Variants in MACF1 observed in about 807,000 individuals in gnomAD.
The protein encoded by MACF1 is microtubule-actin cross-linking factor 1.
Under a neutral mutation model 854.8 loss-of-function variants are expected in MACF1, and 193 were observed. That is an observed-to-expected ratio of 0.23 (90% CI 0.20 to 0.25). The LOEUF (loss-of-function observed/expected upper bound fraction) is 0.25. MACF1 is among the 10% of genes least tolerant of loss of function. MACF1 has a pLI of 1.00. For synonymous variants in MACF1, 3,185 were observed against 3,226.7 expected, an observed-to-expected ratio of 0.99 and a Z score of 0.44; for missense variants, 7,722 against 8,929.1, an observed-to-expected ratio of 0.86 and a Z score of 5.45.
At chr1:39,300,969 C>G (rs1451165199) in intron 22 of MACF1, among the ~76,000 whole-genome samples, 4 of 151,994 alleles carry the variant, frequency 2.6e-5, no homozygotes, top group Non-Finnish European at 5.9e-5. Context: ...TTGCAGTGAG[C>G]CAAGATCGCA....
intron 1 of MACF1, among the ~76,000 whole-genome samples, chr1:39,228,078 A>G (rs762726254): frequency 2.0e-5 from 3 of 152,216 alleles, no homozygotes; most frequent in African/African-American, 7.2e-5. Context: ...TGGGAGGCCA[A>G]CGCGGGTGGA....
At chr1:39,407,794 T>C (rs1195899754) in intron 58 of MACF1, among the ~76,000 whole-genome samples, 1 of 152,216 alleles carries the variant, frequency 6.6e-6, no homozygotes, top group African/African-American at 2.4e-5. Flanking sequence ...AAATAACTTT[T>C]CCATAAGTTT....
chr1:39,412,463 A>C, intron 58 of MACF1: 1 of 1,614,036 alleles, frequency 6.2e-7, no homozygotes, highest in Middle Eastern at 1.6e-4. Context: ...CTTTTGGAGG[A>C]TCAAGCTCCA....
chr1:39,462,541 C>A (rs1644575844), intron 93 of MACF1, among the ~76,000 whole-genome samples: 2 of 55,140 alleles, frequency 3.6e-5, no homozygotes, highest in Admixed American at 2.5e-4. Flanking sequence ...TCTGTCTGTC[C>A]CCCCCGCCAA....
intron 5 of MACF1, 123 bp downstream of exon 5, chr1:39,254,498 T>C: frequency 1.2e-6 from 1 of 829,772 alleles, no homozygotes; most frequent in Non-Finnish European, 2.0e-6. Context: ...GACCCAGTTC[T>C]GAGTCTTAAC....
intron 10 of MACF1, 28 bp downstream of exon 10, chr1:39,284,213 G>A (rs1557562832): frequency 1.9e-6 from 3 of 1,605,686 alleles, no homozygotes; most frequent in South Asian, 1.1e-5. Context: ...AATTTTTTTG[G>A]TAAAATCTTT....
At chr1:39,343,974 G>A (rs1315952962) in intron 40 of MACF1, among the ~76,000 whole-genome samples, 3 of 152,046 alleles carry the variant, frequency 2.0e-5, no homozygotes, top group African/African-American at 2.4e-5. Flanking sequence ...AGTTAGCCAG[G>A]CGTGGTGGCA....
intron 96 of MACF1, 116 bp downstream of exon 96, chr1:39,468,848 C>G (rs981891981): frequency 1.1e-6 from 1 of 919,952 alleles, no homozygotes; most frequent in Non-Finnish European, 1.7e-6. Context: ...TGTTAAGCTG[C>G]CCAGGTGTCA....
At chr1:39,359,290 T>C in intron 47 of MACF1, 26 bp downstream of exon 47, 1 of 1,612,012 alleles carries the variant, frequency 6.2e-7, no homozygotes, top group Non-Finnish European at 8.5e-7. Flanking sequence ...AGTATAATAG[T>C]ACTCCCTTAA....
chr1:39,137,758 T>TCTGGTCTGC (rs1643216319), intron 2 of MACF1, among the ~76,000 whole-genome samples: 1 of 152,136 alleles, frequency 6.6e-6, no homozygotes, highest in Non-Finnish European at 1.5e-5. Flanking sequence ...CATTCAACTA[T>TCTGGTCTGC]ATGAACATAC....
In MACF1 at chr1:39,105,031, C is replaced by T. The variant is rs1642187370; in HGVS notation, c.220+20593C>T. On this transcript the variant is annotated intron_variant, in intron 2 of 93. Transcript: ENST00000361689. This position sits in a 1 kb window ranked among gnomAD's most constrained non-coding sequence, Gnocchi z 5.9. ...CGTAGGTCAGCGCTGACTGGGGCTC[C>T]CGCTCGCCCTGTGGAGCCGGCCCGG... 6.6e-6 allele frequency among the ~76,000 whole-genome samples: 1 copy of T among 152,216 alleles called. No individual in the cohort carries two copies. The highest frequency in any genetic ancestry group is 1.5e-5 in the Non-Finnish European group (1 of 68,028).
intron 49 of MACF1, 137 bp downstream of exon 49, chr1:39,361,814 T>C (rs1648208917): frequency 1.3e-5 from 10 of 788,514 alleles, no homozygotes; most frequent in African/African-American, 1.7e-5. Flanking sequence ...ATTACAGTGA[T>C]CCCGTAAACT....
intron 36 of MACF1, among the ~76,000 whole-genome samples, chr1:39,329,718 A>T (rs1646683624): frequency 6.6e-6 from 1 of 152,238 alleles, no homozygotes. Flanking sequence ...AAGTGTTGTA[A>T]GTGGTTAAAC....
At position 39,363,306 on chromosome 1, in the gene MACF1, A is replaced by G. The variant is rs1008615393; in HGVS notation, c.12771+1629A>G. Among the ~76,000 whole-genome samples the G allele has an allele frequency of 2.0e-5, 3 of 152,314 alleles. No individual in the cohort carries two copies. The East Asian group carries it at 5.8e-4, about 29-fold the overall frequency. On this transcript the variant is annotated intron_variant, in intron 49 of 100. Transcript: ENST00000564288. ...CTCAAGGTATAGGAAGTGAATAAGGATATATTCTCATTGTCTTTCCTGTCT... is the reference window on the plus strand; with the variant it reads ...CTCAAGGTATAGGAAGTGAATAAGGGTATATTCTCATTGTCTTTCCTGTCT...
chr1:39,119,872 CTTTTTTTTTTTTT>C (rs571383832), intron 2 of MACF1, among the ~76,000 whole-genome samples: 8 of 65,570 alleles, frequency 1.2e-4, no homozygotes, highest in Middle Eastern at 8.2e-3. Flanking sequence ...AATAAAGCCT[CTTTTTTTTTTTTT>C]TTTTTTTTTT....
intron 2 of MACF1, among the ~76,000 whole-genome samples, chr1:39,166,422 ATTTATTTATT>A (rs1643882479): frequency 3.7e-3 from 3 of 816 alleles, no homozygotes; most frequent in Non-Finnish European, 0.015. Context: ...CTAGATATTT[ATTTATTTATT>A]TATTTATTTA....
intron 3 of MACF1, 60 bp downstream of exon 3, chr1:39,250,163 A>G: frequency 8.5e-7 from 1 of 1,171,886 alleles, no homozygotes; most frequent in African/African-American, 1.5e-5. Context: ...ATATTGGTCC[A>G]TCTCATTGAG....
chr1:39,168,351 A>C (rs1289776349), intron 2 of MACF1, among the ~76,000 whole-genome samples: 2 of 151,996 alleles, frequency 1.3e-5, no homozygotes, highest in African/African-American at 2.4e-5. Context: ...AACCTATCTG[A>C]TTGCTGTTTG....
In MACF1 at chr1:39,427,580, C is replaced by T; in HGVS notation, c.16442C>T (p.Thr5481Ile). 6.2e-7 allele frequency: 1 copy of T among 1,614,120 alleles called. No individual in the cohort carries two copies. Among genetic ancestry groups the T allele is most frequent in the Non-Finnish European group, 8.5e-7 (1 of 1,179,996 alleles). The part of the protein sequence containing the change: ...LANSEPVGTQ[T>I]AKIQQQIIRH... ...AACTCAGAACCTGTTGGCACTCAGACTGCCAAAATACAGCAGCAGATCATT... is the reference window on the plus strand; with the variant it reads ...AACTCAGAACCTGTTGGCACTCAGATTGCCAAAATACAGCAGCAGATCATT... The change falls in exon 62 of 101, where the codon ACT (threonine) becomes ATT (isoleucine). Residue 5481 changes from threonine (T) to isoleucine (I), a missense_variant. Thr to Ile is a moderately conservative substitution (Grantham distance 89). Coordinates refer to ENST00000564288, the MANE Select transcript of MACF1 (RefSeq NM_001394062.1).
Sources: allele counts gnomAD v4.1 joint callset (sites outside exome capture counted in the v4.1 genomes callset), GRCh38; gene constraint gnomAD v4.1.1; non-coding constraint Gnocchi (gnomAD v3.1); transcripts MANE v1.5; gene names NCBI Gene and HGNC (gene_info 2026-07-23, HGNC 2026-07-21).